Variants in KCNN2 observed in about 807,000 individuals in gnomAD.
KCNN2 encodes small conductance calcium-activated potassium channel protein 2.
A neutral mutation model predicts 55.5 loss-of-function variants in KCNN2; 24 were observed. The observed-to-expected ratio is 0.43, with a 90% CI of 0.31 to 0.61. The LOEUF is 0.61. Among genes scored for constraint, KCNN2 ranks in the 20% least tolerant of loss-of-function variants. The pLI is 0.08. For synonymous variants in KCNN2, 431 were observed against 336.1 expected, an observed-to-expected ratio of 1.28 and a Z score of -3.09; for missense variants, 754 against 853.6, an observed-to-expected ratio of 0.88 and a Z score of 1.45.
chr5:114,244,816 A>G (rs1561538529), intron 2 of KCNN2, among the ~76,000 whole-genome samples: 1 of 152,170 alleles, frequency 6.6e-6, no homozygotes, highest in Non-Finnish European at 1.5e-5. Context: ...CATGCAGGTT[A>G]TGGGGCTCTA....
intron 2 of KCNN2, among the ~76,000 whole-genome samples, chr5:114,243,424 G>A (rs1408752689): frequency 6.6e-6 from 1 of 152,102 alleles, no homozygotes; most frequent in Non-Finnish European, 1.5e-5. Context: ...CCTGAGTAGC[G>A]TGATGAAATC....
chr5:114,356,726 T>C (rs1439136393), intron 2 of KCNN2, among the ~76,000 whole-genome samples: 1 of 152,176 alleles, frequency 6.6e-6, no homozygotes, highest in Non-Finnish European at 1.5e-5. Context: ...TCTTGATACT[T>C]TATAATCATA....
At chr5:114,459,625 C>G (rs1761099615) in intron 3 of KCNN2, among the ~76,000 whole-genome samples, 1 of 152,110 alleles carries the variant, frequency 6.6e-6, no homozygotes, top group Non-Finnish European at 1.5e-5. Context: ...CTTGAATATT[C>G]ACAATCATGT....
chr5:114,177,755 T>A lies in KCNN2; in HGVS notation c.-270-43725T>A, dbSNP rs1196848267. Among the ~76,000 whole-genome samples, 3 of 152,242 alleles carry A rather than the reference T, an allele frequency of 2.0e-5. No homozygotes were observed. In the East Asian group the frequency reaches 5.8e-4, roughly 29 times the overall value. ...CTTTGAAAGTTAAAGTATGAGGTAATTAATCAAGGCATTGCAATCCTAGTA... is the reference window on the plus strand; with the variant it reads ...CTTTGAAAGTTAAAGTATGAGGTAAATAATCAAGGCATTGCAATCCTAGTA... On this transcript the variant is annotated intron_variant, in intron 1 of 10. Transcript: ENST00000512097.
intron 3 of KCNN2, among the ~76,000 whole-genome samples, chr5:114,451,538 A>T (rs1456969788): frequency 6.6e-6 from 1 of 152,196 alleles, no homozygotes. Context: ...TTAAAGGAGC[A>T]AAAGAAAATC....
At chr5:114,296,438 C>T (rs1362634041) in intron 2 of KCNN2, among the ~76,000 whole-genome samples, 1 of 152,180 alleles carries the variant, frequency 6.6e-6, no homozygotes, top group Non-Finnish European at 1.5e-5. Flanking sequence ...AACCCTTAGG[C>T]ATTTTGTAAG....
intron 2 of KCNN2, among the ~76,000 whole-genome samples, chr5:114,263,497 C>T (rs1376537827): frequency 6.7e-6 from 1 of 149,494 alleles, no homozygotes; most frequent in African/African-American, 2.5e-5. Context: ...CTGAAGAGCT[C>T]TCTCTCCTTG....
intron 4 of KCNN2, among the ~76,000 whole-genome samples, chr5:114,468,491 G>GTGAT (rs1230535723): frequency 6.6e-6 from 1 of 152,038 alleles, no homozygotes; most frequent in African/African-American, 2.4e-5. Flanking sequence ...ACATAAAAGC[G>GTGAT]TGATTTTTTT....
intron 2 of KCNN2, among the ~76,000 whole-genome samples, chr5:114,402,742 G>A (rs1758824881): frequency 6.6e-6 from 1 of 152,204 alleles, no homozygotes; most frequent in African/African-American, 2.4e-5. Context: ...ACTCTGAGGG[G>A]TCAGCTGAGC....
At chr5:114,135,267 T>G (rs758953012) in intron 1 of KCNN2, among the ~76,000 whole-genome samples, 7 of 152,118 alleles carry the variant, frequency 4.6e-5, no homozygotes, top group Non-Finnish European at 8.8e-5. Context: ...GCAAGGCTCT[T>G]AAGGAAGCAG....
At chr5:114,410,023 G>A (rs999954879) in intron 3 of KCNN2, among the ~76,000 whole-genome samples, 1 of 152,176 alleles carries the variant, frequency 6.6e-6, no homozygotes, top group South Asian at 2.1e-4. Context: ...TTGGCTTTGT[G>A]TTAAGGTAGG....
intron 2 of KCNN2, among the ~76,000 whole-genome samples, chr5:114,272,834 C>T (rs954700246): frequency 2.0e-5 from 3 of 152,048 alleles, no homozygotes; most frequent in Non-Finnish European, 4.4e-5. Context: ...ATATCAACTG[C>T]AAAAACTTGT....
At chr5:114,375,952 G>GTATATATATATATATATA (rs6149186) in intron 2 of KCNN2, among the ~76,000 whole-genome samples, 7,302 of 103,208 alleles carry the variant, frequency 0.071, 498 homozygotes, top group East Asian at 0.12. Flanking sequence ...GACTCACAGT[G>GTATATATATATATATATA]TATATATATA....
intron 2 of KCNN2, among the ~76,000 whole-genome samples, chr5:114,260,632 C>T (rs1755087291): frequency 6.6e-6 from 1 of 152,090 alleles, no homozygotes; most frequent in South Asian, 2.1e-4. Context: ...TGAATAAGTA[C>T]TTTTTAGAAT....
Position 114,131,637 on chromosome 5 carries a change from G to T in KCNN2, c.-271+75137G>T, listed in dbSNP as rs545591971. On this transcript the variant is annotated intron_variant, in intron 1 of 10. Transcript: ENST00000512097. ...AATAAAATGATTGAAATTCCTTTGG[G>T]TATATACCCAGTAATGGGATTGCTG... 7.9e-5 allele frequency among the ~76,000 whole-genome samples: 12 copies of T among 152,248 alleles called. No individual in the cohort carries two copies. The East Asian group carries it at 1.9e-3, about 24-fold the overall frequency.
intron 2 of KCNN2, among the ~76,000 whole-genome samples, chr5:114,364,513 TA>T (rs943572478): frequency 6.6e-6 from 1 of 151,592 alleles, no homozygotes; most frequent in Admixed American, 6.6e-5. Flanking sequence ...CCCCCACCAT[TA>T]AAAAAAACTG....
intron 5 of KCNN2, among the ~76,000 whole-genome samples, chr5:114,480,848 G>T (rs1476821743): frequency 6.6e-6 from 1 of 152,032 alleles, no homozygotes. Flanking sequence ...AATAAACTAG[G>T]TACTGAAGGA....
intron 2 of KCNN2, among the ~76,000 whole-genome samples, chr5:114,330,841 C>T (rs1468826414): frequency 6.6e-6 from 1 of 152,184 alleles, no homozygotes; most frequent in Non-Finnish European, 1.5e-5. Context: ...TAAACCATAG[C>T]TCCCTGCCAG....
At chr5:114,358,966 A>C (rs1757353474), upstream of KCNN2, among the ~76,000 whole-genome samples, 1 of 152,220 alleles carries the variant, frequency 6.6e-6, no homozygotes, top group African/African-American at 2.4e-5. Context: ...TTAAATAATG[A>C]AGTTATGATT....
Sources: allele counts gnomAD v4.1 joint callset (sites outside exome capture counted in the v4.1 genomes callset), GRCh38; gene constraint gnomAD v4.1.1; transcripts MANE v1.5; gene names NCBI Gene and HGNC (gene_info 2026-07-23, HGNC 2026-07-21).